The following EPHA10 variants were observed in gnomAD, a reference collection of about 807,000 sequenced individuals.
EPHA10 encodes EPH receptor A10.
EPHA10 carries 120 observed loss-of-function variants against 109.7 expected under a neutral mutation model. The ratio of observed to expected loss-of-function variants is 1.09; its 90% confidence interval spans 0.94 to 1.27. EPHA10 has a LOEUF of 1.27. Among genes scored for constraint, EPHA10 ranks in the 50% most tolerant of loss-of-function variants. The pLI, the probability that EPHA10 is intolerant of heterozygous loss-of-function variation, is 0.00. For missense variants in EPHA10, 1,396 were observed against 1,411.1 expected (o/e 0.99, Z 0.17); for synonymous variants, 640 against 618.9 (o/e 1.03, Z -0.51).
Position 37,723,159 on chromosome 1 carries a change from G to T in EPHA10, c.1842C>A (p.Val614=). The T allele has an allele frequency of 6.2e-7, 1 of 1,613,414 alleles. No individual in the cohort carries two copies. The highest frequency in any genetic ancestry group is 8.5e-7 in the Non-Finnish European group (1 of 1,179,568). The change falls in exon 10 of 17, where the codon GTC becomes GTA. Residue 614 remains valine, a synonymous_variant. Transcript: ENST00000373048. ...GGTCCAGGAATGTGCGACGTGTTGG[G>T]ACTTTGACTGGGAGAGAAAGAGATG... ...DEEELYFHFK[V]PTRRTFLDPQ... is the part of the protein sequence containing the mutation.
At chr1:37,722,525 G>T (rs764173313) in intron 10 of EPHA10, among the ~76,000 whole-genome samples, 1 of 152,220 alleles carries the variant, frequency 6.6e-6, no homozygotes, top group Non-Finnish European at 1.5e-5. Context: ...GCTAGCAGAA[G>T]ACTGGCCCTT....
chr1:37,758,031 T>G (rs1347643221), intron 3 of EPHA10, among the ~76,000 whole-genome samples: 1 of 152,144 alleles, frequency 6.6e-6, no homozygotes, highest in African/African-American at 2.4e-5. Flanking sequence ...TTTAACCTCA[T>G]CAAATACTAC....
rs757498800 is a variant in EPHA10, at chr1:37,716,228, C to A, written c.*2144G>T. On this transcript the variant is annotated 3_prime_UTR_variant, in exon 17 of 17. Coordinates refer to ENST00000373048, the MANE Select transcript of EPHA10 (RefSeq NM_001099439.2). ...CTGGGACCCAACAGGATTCTGGGAC[C>A]TCACTCCTCAGTGGAGGGGAGATCT... 1.2e-4 allele frequency: 35 copies of A among 296,652 alleles called. No individual in the cohort carries two copies. Among genetic ancestry groups the A allele is most frequent in the Non-Finnish European group, 2.0e-4 (31 of 157,354 alleles). 18.4% of individuals were successfully genotyped at this position (296,652 alleles called of 1,614,324 possible). A position where few individuals can be genotyped will look rare whatever the true frequency, so the allele number is the denominator to read the frequency against.
intron 5 of EPHA10, among the ~76,000 whole-genome samples, chr1:37,749,079 C>T (rs1309436987): frequency 3.3e-5 from 5 of 151,688 alleles, no homozygotes; most frequent in South Asian, 2.1e-4. Flanking sequence ...TGCACCACCA[C>T]GCCTGGCTAA....
At position 37,723,510 on chromosome 1, in the gene EPHA10, G is replaced by C. The variant is rs984743370; in HGVS notation, c.1773-138C>G. 6.2e-5 allele frequency: 60 copies of C among 974,570 alleles called. No individual in the cohort carries two copies. The South Asian group carries it at 8.8e-4, about 14-fold the overall frequency. The allele number at this position is 974,570 out of a possible 1,614,324, so 60.4% of individuals were successfully genotyped here. ...GGGGAGGGAACTTCTTGTCCAGCTG[G>C]TTTAAAAGCTTCTCTGTGGTTTGAC... On this transcript the variant is annotated intron_variant, in intron 8 of 16. Coordinates refer to ENST00000373048, the MANE Select transcript of EPHA10 (RefSeq NM_001099439.2).
Position 37,723,099 on chromosome 1 carries a change from A to T in EPHA10, c.1902T>A (p.His634Gln). 1 of 1,614,202 alleles carries T rather than the reference A, an allele frequency of 6.2e-7. No homozygotes were observed. Among genetic ancestry groups the T allele is most frequent in the Non-Finnish European group, 8.5e-7 (1 of 1,180,042 alleles). Residue 634 changes from histidine to glutamine, a missense_variant, in exon 10 of 17, where the codon CAT becomes CAA. Physicochemically the swap from His to Gln is conservative, Grantham distance 24. Coordinates refer to ENST00000373048, the MANE Select transcript of EPHA10 (RefSeq NM_001099439.2). ...TCGCATCCAGTTCCTTGGCGAACAG[A>T]TGCACAGCCTGCAGCAGGTCCCCAC... ...QSCGDLLQAV[H>Q]LFAKELDAKS...
chr1:37,761,143 G>A, intron 3 of EPHA10: 2 of 1,280,514 alleles, frequency 1.6e-6, no homozygotes, highest in Non-Finnish European at 2.0e-6. Flanking sequence ...AAATAAACGA[G>A]AAGGCCTGTG....
At chr1:37,731,991 C>T (rs1171866360) in intron 6 of EPHA10, among the ~76,000 whole-genome samples, 2 of 151,886 alleles carry the variant, frequency 1.3e-5, no homozygotes, top group Non-Finnish European at 2.9e-5. Flanking sequence ...CATGAAAGCC[C>T]CCAATGGCCC....
chr1:37,730,843 CACCACGCCCGGCTG>C (rs780473080), intron 7 of EPHA10, among the ~76,000 whole-genome samples: 78 of 152,198 alleles, frequency 5.1e-4, no homozygotes, highest in Non-Finnish European at 9.6e-4. Context: ...AGGTGCCCGC[CACCACGCCCGGCTG>C]ATTTTTGTAT....
chr1:37,753,239 A>AG lies in EPHA10; in HGVS notation c.1007-14dup. 1.0e-6 allele frequency: 1 copy of AG among 956,054 alleles called. No homozygotes were observed. Among genetic ancestry groups the AG allele is most frequent in the Non-Finnish European group, 1.2e-6 (1 of 829,068 alleles). 59.2% of individuals were successfully genotyped at this position (956,054 alleles called of 1,614,324 possible). On this transcript the variant is annotated splice_polypyrimidine_tract_variant and intron_variant, in intron 4 of 16. Transcript: ENST00000373048. ...GCCGACGGCGGCCCTGAGGCGGCAC[A>AG]GGGGCGGGGCGGTCAGGGCGGGGCG...
At chr1:37,720,173 C>T (rs898626753) in intron 13 of EPHA10, 115 bp from the exon 14 acceptor site, 32 of 1,455,560 alleles carry the variant, frequency 2.2e-5, no homozygotes, top group Non-Finnish European at 2.9e-5. Flanking sequence ...CCCCCAACTC[C>T]AGCTTCACAT....
In EPHA10 at chr1:37,761,633, A is replaced by G. The variant is rs751225962; in HGVS notation, c.622T>C (p.Tyr208His). The G allele has an allele frequency of 1.9e-6, 3 of 1,605,146 alleles. No individual in the cohort carries two copies. The highest frequency in any genetic ancestry group is 2.5e-6 in the Non-Finnish European group (3 of 1,179,682). The change falls in exon 3 of 17, where the codon TAC becomes CAC. Residue 208 changes from tyrosine to histidine, a missense_variant. Coordinates refer to ENST00000373048, the MANE Select transcript of EPHA10 (RefSeq NM_001099439.2). ...CVALVSVRVY[Y>H]KQCRATVRGL... ...CGCACGGTGGCGCGGCACTGCTTGTAGTAGACGCGCACCGAGACAAGCGCC... is the reference window on the plus strand; with the variant it reads ...CGCACGGTGGCGCGGCACTGCTTGTGGTAGACGCGCACCGAGACAAGCGCC...
intron 7 of EPHA10, among the ~76,000 whole-genome samples, chr1:37,729,054 T>C (rs541176284): frequency 2.0e-5 from 3 of 152,262 alleles, no homozygotes; most frequent in South Asian, 2.1e-4. Context: ...ACAAGATGAA[T>C]GGCTTCTGTC....
chr1:37,715,903 G>A (rs767479669), downstream of EPHA10: 29 of 564,582 alleles, frequency 5.1e-5, no homozygotes, highest in East Asian at 1.5e-4. Context: ...CCCTGTCCTC[G>A]AGGAAGGGGG....
chr1:37,761,621 G>C lies in EPHA10; in HGVS notation c.634C>G (p.Arg212Gly). 6.2e-7 allele frequency: 1 copy of C among 1,604,108 alleles called. No individual in the cohort carries two copies. Among genetic ancestry groups the C allele is most frequent in the South Asian group, 1.1e-5 (1 of 91,008 alleles). The change falls in exon 3 of 17, where the codon CGC becomes GGC. Residue 212 changes from arginine to glycine, a missense_variant. Coordinates refer to ENST00000373048, the MANE Select transcript of EPHA10 (RefSeq NM_001099439.2). ...VSVRVYYKQC[R>G]ATVRGLATFP... ...GTGGCCAGGCCCCGCACGGTGGCGCGGCACTGCTTGTAGTAGACGCGCACC... is the reference window on the plus strand; with the variant it reads ...GTGGCCAGGCCCCGCACGGTGGCGCCGCACTGCTTGTAGTAGACGCGCACC...
rs1194584385 is a variant in EPHA10, at chr1:37,722,724, C to T, written c.1960+317G>A. ...GACTAGAACTCAGTTATGTCTGGCC[C>T]CTAAGCTTGCAAAGGCCCCTCCCCA... On this transcript the variant is annotated intron_variant, in intron 10 of 16. Transcript: ENST00000373048. 3 of 459,566 alleles carry T rather than the reference C, an allele frequency of 6.5e-6. 1 individual carries two copies. The highest frequency in any genetic ancestry group is 4.9e-5 in the East Asian group (1 of 20,358). The allele number at this position is 459,566 out of a possible 1,614,324, so 28.5% of individuals were successfully genotyped here.
chr1:37,735,463 T>G (rs1569693305), intron 5 of EPHA10, 73 bp from the exon 6 acceptor site: 1 of 1,506,100 alleles, frequency 6.6e-7, no homozygotes, highest in Non-Finnish European at 8.9e-7. Flanking sequence ...GGGAAGAGGG[T>G]GCGGCGTGCG....
chr1:37,738,986 C>T (rs772851154), intron 5 of EPHA10, among the ~76,000 whole-genome samples: 18 of 152,106 alleles, frequency 1.2e-4, no homozygotes, highest in Non-Finnish European at 2.4e-4. Flanking sequence ...GAACATCACA[C>T]ACCGGGGCCT....
chr1:37,731,694 C>A, intron 6 of EPHA10, 112 bp from the exon 7 acceptor site: 1 of 1,247,060 alleles, frequency 8.0e-7, no homozygotes. Flanking sequence ...TGAATGTGGG[C>A]TGAGTGCGAA....
Sources: gnomAD v4.1 joint callset for allele counts (sites outside exome capture counted in the v4.1 genomes callset) on GRCh38, gnomAD v4.1.1 for gene constraint, MANE v1.5 for transcripts, NCBI Gene and HGNC (gene_info 2026-07-23, HGNC 2026-07-21) for gene names.